The following ANXA8 variants were observed in gnomAD, a reference collection of about 807,000 sequenced individuals.
ANXA8 encodes annexin A8.
Under a neutral mutation model 26.8 loss-of-function variants are expected in ANXA8, and 9 were observed. The observed-to-expected ratio is 0.34, with a 90% CI of 0.20 to 0.59. The LOEUF (loss-of-function observed/expected upper bound fraction) is 0.59, where lower values mean the gene tolerates loss of function less well. Ranked by LOEUF, ANXA8 falls within the 20% of genes least tolerant of loss-of-function variation. The pLI, the probability that ANXA8 is intolerant of heterozygous loss-of-function variation, is 0.84. For missense variants in ANXA8, 83 were observed against 238.5 expected, an observed-to-expected ratio of 0.35 and a Z score of 4.29; for synonymous variants, 39 against 94.8, an observed-to-expected ratio of 0.41 and a Z score of 3.42.
the ANXA8 span, among the ~76,000 whole-genome samples, chr10:47,957,481 A>C: frequency 6.6e-6 from 1 of 150,590 alleles, no homozygotes; most frequent in African/African-American, 2.5e-5. Context: ...GCCCAGGCCT[A>C]GGGGACCGGC....
chr10:47,768,904 C>T, the ANXA8 span, among the ~76,000 whole-genome samples: 140 of 148,844 alleles, frequency 9.4e-4, 4 homozygotes, highest in Admixed American at 3.8e-3. Context: ...ACTGGTAGTG[C>T]GAGTGTGGCT....
At chr10:47,696,202 A>G in the ANXA8 span, among the ~76,000 whole-genome samples, 2 of 151,862 alleles carry the variant, frequency 1.3e-5, no homozygotes, top group African/African-American at 4.8e-5. Context: ...AATATAAAGA[A>G]GCAATTTTGT....
At chr10:47,705,298 T>G in the ANXA8 span, among the ~76,000 whole-genome samples, 2 of 140,024 alleles carry the variant, frequency 1.4e-5, no homozygotes, top group East Asian at 4.1e-4. Flanking sequence ...GTTTAGTCTT[T>G]TATTATGTAT....
the ANXA8 span, among the ~76,000 whole-genome samples, chr10:47,580,862 G>A: frequency 5.3e-5 from 8 of 149,988 alleles, 2 homozygotes; most frequent in Admixed American, 4.6e-4. Context: ...ATGACCTGTG[G>A]TCAGGAGCTC....
the ANXA8 span, among the ~76,000 whole-genome samples, chr10:47,711,705 A>G: frequency 3.5e-4 from 45 of 128,912 alleles, no homozygotes; most frequent in Non-Finnish European, 6.2e-4. Flanking sequence ...ACAAGAATGT[A>G]GGTCACAGGT....
At chr10:47,711,889 G>T in the ANXA8 span, among the ~76,000 whole-genome samples, 1 of 29,972 alleles carries the variant, frequency 3.3e-5, no homozygotes, top group Non-Finnish European at 6.1e-5. Flanking sequence ...GTTGTTCTTT[G>T]TACATTCATT....
At chr10:47,686,823 G>A in the ANXA8 span, among the ~76,000 whole-genome samples, 1 of 151,942 alleles carries the variant, frequency 6.6e-6, no homozygotes, top group Admixed American at 6.5e-5. Flanking sequence ...AAGGTCATTG[G>A]CTTCCATAGT....
chr10:47,666,813 C>T, the ANXA8 span, among the ~76,000 whole-genome samples: 3 of 151,932 alleles, frequency 2.0e-5, no homozygotes, highest in African/African-American at 7.3e-5. Flanking sequence ...TTCATTTCCT[C>T]TTCTCATAGG....
upstream of ANXA8, chr10:47,487,134 A>G (rs1840062914): frequency 4.3e-6 from 6 of 1,399,668 alleles, no homozygotes; most frequent in Non-Finnish European, 5.7e-6. Context: ...AGTGTACACC[A>G]TAAATATGTA....
At chr10:47,678,710 G>A in the ANXA8 span, among the ~76,000 whole-genome samples, 1 of 151,810 alleles carries the variant, frequency 6.6e-6, no homozygotes, top group Non-Finnish European at 1.5e-5. Flanking sequence ...TGGAGTTCCA[G>A]AAAAGTGGGG....
At chr10:47,907,280 C>A in the ANXA8 span, among the ~76,000 whole-genome samples, 1 of 152,098 alleles carries the variant, frequency 6.6e-6, no homozygotes, top group African/African-American at 2.4e-5. Context: ...TGGCGTGAAC[C>A]CGGGAGGCGG....
the ANXA8 span, among the ~76,000 whole-genome samples, chr10:47,693,445 G>A: frequency 6.6e-6 from 1 of 151,404 alleles, no homozygotes; most frequent in Non-Finnish European, 1.5e-5. Flanking sequence ...GCCTGCCACC[G>A]CGCGCGGCTA....
the ANXA8 span, among the ~76,000 whole-genome samples, chr10:47,951,524 C>T: frequency 6.6e-6 from 1 of 150,474 alleles, no homozygotes; most frequent in African/African-American, 2.5e-5. Flanking sequence ...AAGGAATATA[C>T]ATGCAGCTGG....
chr10:47,502,197 C>T, the ANXA8 span: 99 of 1,540,568 alleles, frequency 6.4e-5, 16 homozygotes, highest in Non-Finnish European at 7.8e-5. Flanking sequence ...ACGTCCACCC[C>T]GTCAGGAGCT....
At chr10:47,511,133 C>T in the ANXA8 span, among the ~76,000 whole-genome samples, 1 of 131,706 alleles carries the variant, frequency 7.6e-6, no homozygotes, top group African/African-American at 3.1e-5. Context: ...TTAGTAGAGA[C>T]GGGGTTTCAC....
the ANXA8 span, among the ~76,000 whole-genome samples, chr10:47,667,012 A>G: frequency 4.6e-5 from 7 of 152,062 alleles, no homozygotes; most frequent in African/African-American, 1.7e-4. Flanking sequence ...CAAATTTCCC[A>G]TTTCCTTCAC....
At chr10:47,553,749 C>T in the ANXA8 span, among the ~76,000 whole-genome samples, 1 of 150,622 alleles carries the variant, frequency 6.6e-6, no homozygotes, top group South Asian at 2.1e-4. Flanking sequence ...TGCTGTGGCA[C>T]TCCCCAGCAG....
At chr10:47,513,149 C>T in the ANXA8 span, among the ~76,000 whole-genome samples, 11 of 149,410 alleles carry the variant, frequency 7.4e-5, no homozygotes, top group Admixed American at 7.4e-4. Flanking sequence ...ATTCTCCTGC[C>T]TCAGCCACCC....
the ANXA8 span, among the ~76,000 whole-genome samples, chr10:47,559,313 G>A: frequency 6.6e-6 from 1 of 151,364 alleles, no homozygotes; most frequent in Non-Finnish European, 1.5e-5. Flanking sequence ...TCTTAGTAAA[G>A]ATGGGGGTTT....
Sources: gnomAD v4.1 joint callset for allele counts (sites outside exome capture counted in the v4.1 genomes callset) on GRCh38, gnomAD v4.1.1 for gene constraint, MANE v1.5 for transcripts, NCBI Gene and HGNC (gene_info 2026-07-23, HGNC 2026-07-21) for gene names.